CCDC197: variants seen among roughly 807,000 people sequenced by gnomAD.
CCDC197 encodes uncharacterized protein CCDC197.
CCDC197 carries 24 observed loss-of-function variants against 13.4 expected under a neutral mutation model. That is an observed-to-expected ratio of 1.80 (90% CI 1.30 to 2.53). The LOEUF (loss-of-function observed/expected upper bound fraction) is 2.53, where lower values mean the gene tolerates loss of function less well. Ranked by LOEUF, CCDC197 falls within the 30% of genes most tolerant of loss-of-function variation. CCDC197 has a pLI of 0.00. For missense variants in CCDC197, 255 were observed against 148.8 expected, an observed-to-expected ratio of 1.71 and a Z score of -3.71; for synonymous variants, 99 against 55.5, an observed-to-expected ratio of 1.78 and a Z score of -3.48.
In CCDC197 at chr14:93,992,198, C is replaced by A. The variant is rs143047620; in HGVS notation, c.-107+4802C>A. On this transcript the variant is annotated intron_variant, in intron 1 of 7. Coordinates refer to the CCDC197 transcript ENST00000640978. ...TCTGGTTTTCGCTTTAAGACGAGCT[C>A]TCTCTGGCTGCCAGGTGGAGAGTGG... Among the ~76,000 whole-genome samples, 236 of 152,308 alleles carry A rather than the reference C, an allele frequency of 1.5e-3. 1 individual carries two copies. Among genetic ancestry groups the A allele is most frequent in the African/African-American group, 5.5e-3 (229 of 41,568 alleles).
rs1278715374 is a variant in CCDC197, at chr14:93,999,757, C to T, written c.187+92C>T. 5.5e-5 allele frequency: 41 copies of T among 739,332 alleles called. No individual in the cohort carries two copies. The East Asian group carries it at 7.2e-4, about 13-fold the overall frequency. 45.8% of individuals were successfully genotyped at this position (739,332 alleles called of 1,614,324 possible). ...CACCGTGTGTGGCCTCATGGAGCCA[C>T]GAGCTGCTCATCTACAGAATGGGAA... On this transcript the variant is annotated intron_variant, in intron 3 of 6. Coordinates refer to ENST00000636493, the MANE Select transcript of CCDC197 (RefSeq NM_001351596.2).
Position 94,003,122 on chromosome 14 carries a change from C to A in CCDC197, c.367-101C>A. 1.5e-6 allele frequency: 1 copy of A among 656,030 alleles called. No homozygotes were observed. The highest frequency in any genetic ancestry group is 2.8e-6 in the Non-Finnish European group (1 of 359,232). The allele number at this position is 656,030 out of a possible 1,614,324, so 40.6% of individuals were successfully genotyped here. ...CCCCAGCCACCCACAAGTATTCCTT[C>A]CTCCTATCCTGTCATTGCACAGACC... On this transcript the variant is annotated intron_variant, in intron 4 of 6. Coordinates refer to ENST00000636493, the MANE Select transcript of CCDC197 (RefSeq NM_001351596.2). This position sits in a 1 kb window ranked among gnomAD's most constrained non-coding sequence, Gnocchi z 5.0.
rs59039338 is a variant in CCDC197, at chr14:94,001,221, C to T, written c.264C>T (p.Ala88=). 3,342 of 780,934 alleles carry T rather than the reference C, an allele frequency of 4.3e-3. 77 individuals carry two copies. In the African/African-American group the frequency reaches 0.049, roughly 12 times the overall value. 48.4% of individuals were successfully genotyped at this position (780,934 alleles called of 1,614,324 possible). The part of the protein sequence containing the change: ...TVKHYGKLFT[A]SQDTQKRLEA... ...AGCACTACGGGAAGCTCTTCACAGC[C>T]AGCCAGGACACGCAGAAGCGCCTCG... Residue 88 remains alanine (A), a synonymous_variant, in exon 4 of 7, where the codon GCC becomes GCT. Transcript: ENST00000636493.
chr14:94,007,237 A>G (rs1262855054), intron 6 of CCDC197: 1 of 152,154 alleles, frequency 6.6e-6, no homozygotes, highest in Non-Finnish European at 1.5e-5. Context: ...GTTTCTTGTG[A>G]GAAGTTTATA....
At chr14:94,000,286 C>T (rs1890456133) in intron 3 of CCDC197, among the ~76,000 whole-genome samples, 1 of 152,190 alleles carries the variant, frequency 6.6e-6, no homozygotes. Context: ...CTTTGCACTA[C>T]TGTGTCACTC....
At chr14:94,011,486 C>T (rs1356439825), downstream of CCDC197, among the ~76,000 whole-genome samples, 1 of 152,240 alleles carries the variant, frequency 6.6e-6, no homozygotes, top group Non-Finnish European at 1.5e-5. Context: ...GAATTGGACA[C>T]GGCATTGCGC....
upstream of CCDC197, among the ~76,000 whole-genome samples, chr14:93,996,388 G>A (rs1468535299): frequency 6.6e-6 from 1 of 152,124 alleles, no homozygotes; most frequent in Non-Finnish European, 1.5e-5. Flanking sequence ...AGGGGGATGA[G>A]TCCAAACCCC....
intron 3 of CCDC197, 118 bp from the exon 4 acceptor site, chr14:94,001,027 G>A (rs976728310): frequency 1.9e-4 from 114 of 613,556 alleles, no homozygotes; most frequent in Non-Finnish European, 2.9e-4. Context: ...TCATCCTACT[G>A]TCATGGACTG....
Position 94,003,190 on chromosome 14 carries a change from T to G in CCDC197, c.367-33T>G. 1 of 774,504 alleles carries G rather than the reference T, an allele frequency of 1.3e-6. No individual in the cohort carries two copies. Among genetic ancestry groups the G allele is most frequent in the South Asian group, 1.4e-5 (1 of 73,570 alleles). 48.0% of individuals were successfully genotyped at this position (774,504 alleles called of 1,614,324 possible). On this transcript the variant is annotated intron_variant, in intron 4 of 6. Coordinates refer to ENST00000636493, the MANE Select transcript of CCDC197 (RefSeq NM_001351596.2). The surrounding 1 kb of genome is among the most constrained non-coding windows in gnomAD (Gnocchi z 5.0). Reference sequence around the variant, plus strand: ...CAGGGCATATGCCCTGGAGGGTTTGTTGTACCAAGATGGCCCATTCCCTCT... The same window carrying G: ...CAGGGCATATGCCCTGGAGGGTTTGGTGTACCAAGATGGCCCATTCCCTCT...
intron 5 of CCDC197, among the ~76,000 whole-genome samples, chr14:94,004,322 A>T (rs893313299): frequency 6.6e-6 from 1 of 152,164 alleles, no homozygotes; most frequent in Non-Finnish European, 1.5e-5. Context: ...CCTGCACAGG[A>T]TGAGGTCATG....
At chr14:93,991,390 T>A (rs1890208495) in intron 1 of CCDC197, among the ~76,000 whole-genome samples, 1 of 152,206 alleles carries the variant, frequency 6.6e-6, no homozygotes, top group African/African-American at 2.4e-5. Context: ...TAGGCAATGT[T>A]GTTGTCCCCC....
chr14:93,998,420 G>T (rs1299673095), intron 2 of CCDC197, among the ~76,000 whole-genome samples, 185 bp downstream of exon 2: 1 of 152,260 alleles, frequency 6.6e-6, no homozygotes, highest in East Asian at 1.9e-4. Context: ...GAGAGAAGAG[G>T]TGTGGCTATT....
In CCDC197 at chr14:94,003,480, CAT is replaced by C; in HGVS notation, c.498+128_498+129del. 6.4e-6 allele frequency: 4 copies of C among 629,250 alleles called. No homozygotes were observed. Among genetic ancestry groups the C allele is most frequent in the Middle Eastern group, 4.0e-4 (1 of 2,470 alleles). The allele number at this position is 629,250 out of a possible 1,614,324, so 39.0% of individuals were successfully genotyped here. ...AGACACACACACACAGAGCCAGACACATAGACACACAGGCACACACACAGCCA... is the reference window on the plus strand; with the variant it reads ...AGACACACACACACAGAGCCAGACACAGACACACAGGCACACACACAGCCA... On this transcript the variant is annotated intron_variant, in intron 5 of 6. Transcript: ENST00000636493. This position sits in a 1 kb window ranked among gnomAD's most constrained non-coding sequence, Gnocchi z 5.0.
In CCDC197 at chr14:94,008,716, C is replaced by A. The variant is rs1180350449; in HGVS notation, c.723C>A (p.His241Gln). The A allele has an allele frequency of 5.7e-6, 4 of 702,954 alleles. No homozygotes were observed. The highest frequency in any genetic ancestry group is 4.4e-5 in the South Asian group (3 of 67,604). 43.5% of individuals were successfully genotyped at this position (702,954 alleles called of 1,614,324 possible). Residue 241 changes from histidine (H) to glutamine (Q), a missense_variant, in exon 7 of 7, where the codon CAC becomes CAA. His to Gln is a conservative substitution (Grantham distance 24). Coordinates refer to ENST00000636493, the MANE Select transcript of CCDC197 (RefSeq NM_001351596.2). ...DSFGDQWLRR[H>Q]PKPFRKCPRR... ...TCGGGGACCAGTGGCTCAGAAGACACCCCAAACCCTTCAGGAAATGTCCAA... is the reference window on the plus strand; with the variant it reads ...TCGGGGACCAGTGGCTCAGAAGACAACCCAAACCCTTCAGGAAATGTCCAA...
intron 3 of CCDC197, 39 bp downstream of exon 3, chr14:93,999,704 C>T (rs1401846909): frequency 1.3e-6 from 1 of 779,528 alleles, no homozygotes; most frequent in East Asian, 2.4e-5. Context: ...TTTCTCTCCA[C>T]AGCCACCTAC....
chr14:93,993,210 C>T (rs143653154), upstream of CCDC197, among the ~76,000 whole-genome samples: 210 of 152,276 alleles, frequency 1.4e-3, 5 homozygotes, highest in South Asian at 0.017. Context: ...ACAAAACTAA[C>T]GCCCATCGAA....
chr14:93,998,252 C>T lies in CCDC197; in HGVS notation c.104+17C>T. On this transcript the variant is annotated intron_variant, in intron 2 of 6. Transcript: ENST00000636493. ...CCAGGCTAAGTATGTGTTGTCCCAC[C>T]CCTGCCCCAGCCCCAGCCCCAGTGC... 2 of 775,754 alleles carry T rather than the reference C, an allele frequency of 2.6e-6. No homozygotes were observed. The allele number at this position is 775,754 out of a possible 1,614,324, so 48.1% of individuals were successfully genotyped here.
intron 1 of CCDC197, among the ~76,000 whole-genome samples, chr14:93,988,468 G>A (rs1380715958): frequency 2.2e-5 from 1 of 45,844 alleles, no homozygotes; most frequent in Non-Finnish European, 4.2e-5. Context: ...AGGAGGGGAT[G>A]GGAGACAAGA....
intron 2 of CCDC197, chr14:93,999,238 G>A (rs1425265589): frequency 9.0e-6 from 2 of 221,016 alleles, no homozygotes; most frequent in Non-Finnish European, 1.8e-5. Flanking sequence ...CCAGCTAATA[G>A]GGGCCGGCCT....
Sources: allele counts gnomAD v4.1 joint callset (sites outside exome capture counted in the v4.1 genomes callset), GRCh38; gene constraint gnomAD v4.1.1; non-coding constraint Gnocchi (gnomAD v3.1); transcripts MANE v1.5; gene names NCBI Gene and HGNC (gene_info 2026-07-23, HGNC 2026-07-21).